The following SLC5A3 variants were observed in gnomAD, a reference collection of about 807,000 sequenced individuals.
SLC5A3 encodes sodium/myo-inositol cotransporter.
In SLC5A3, 10 loss-of-function variants were observed where a neutral mutation model predicts 43.2. The observed-to-expected ratio is 0.23, with a 90% CI of 0.14 to 0.39. SLC5A3 has a LOEUF of 0.39. Ranked by LOEUF, SLC5A3 falls within the 10% of genes least tolerant of loss-of-function variation. The pLI, the probability that SLC5A3 is intolerant of heterozygous loss-of-function variation, is 1.00. For missense variants in SLC5A3, 608 were observed against 893.4 expected (o/e 0.68, Z 4.07); for synonymous variants, 349 against 322.0 (o/e 1.08, Z -0.90).
At position 34,101,323 on chromosome 21, in the gene SLC5A3, C is replaced by G. The variant is rs957993601; in HGVS notation, c.*3968C>G. On this transcript the variant is annotated 3_prime_UTR_variant, in exon 2 of 2. Coordinates refer to ENST00000381151, the MANE Select transcript of SLC5A3 (RefSeq NM_006933.7). ...CAGGGCACCAATAAATAAGTTTCAG[C>G]TTTTTAAACCCTGGTTTGATGTTAA... The G allele has an allele frequency of 1.0e-5, 10 of 1,000,130 alleles. No homozygotes were observed. The highest frequency in any genetic ancestry group is 6.2e-5 in the Admixed American group (1 of 16,248). 62.0% of individuals were successfully genotyped at this position (1,000,130 alleles called of 1,614,324 possible). A position where few individuals can be genotyped will look rare whatever the true frequency, so the allele number is the denominator to read the frequency against.
Position 34,095,062 on chromosome 21 carries a change from C to A in SLC5A3, c.-137C>A. ...ACCATCAAGACAGCAAACCAAAGGA[C>A]AAAGACTTTGACCCTGCTGTGTTGC... On this transcript the variant is annotated 5_prime_UTR_variant, in exon 2 of 2. Transcript: ENST00000381151. 9.9e-7 allele frequency: 1 copy of A among 1,008,204 alleles called. No individual in the cohort carries two copies. Among genetic ancestry groups the A allele is most frequent in the Non-Finnish European group, 1.3e-6 (1 of 768,618 alleles). 62.5% of individuals were successfully genotyped at this position (1,008,204 alleles called of 1,614,324 possible). A position where few individuals can be genotyped will look rare whatever the true frequency, so the allele number is the denominator to read the frequency against.
rs1205968568 is a variant in SLC5A3 at position 34,104,866 on chromosome 21, C to CA, written c.*7518dup. 2.0e-6 allele frequency: 2 copies of CA among 998,970 alleles called. No individual in the cohort carries two copies. Among genetic ancestry groups the CA allele is most frequent in the Non-Finnish European group, 2.4e-6 (2 of 828,798 alleles). The allele number at this position is 998,970 out of a possible 1,614,324, so 61.9% of individuals were successfully genotyped here. On this transcript the variant is annotated 3_prime_UTR_variant, in exon 2 of 2. Transcript: ENST00000381151. ...TTTAAGATAGTTTGTAAGAACTGTA[C>CA]AAAAAAATGCTTCTGGAGATTTCTT...
Position 34,078,884 on chromosome 21 carries a change from A to G in SLC5A3, c.-337+5139A>G, listed in dbSNP as rs527274471. ...TTGTGTTAGAATTTCCAATATACTCATGAGTTTATCTGTTTTTAGTGGAAG... is the reference window on the plus strand; with the variant it reads ...TTGTGTTAGAATTTCCAATATACTCGTGAGTTTATCTGTTTTTAGTGGAAG... On this transcript the variant is annotated intron_variant, in intron 1 of 1. Transcript: ENST00000381151. Among the ~76,000 whole-genome samples, 52 of 152,324 alleles carry G rather than the reference A, an allele frequency of 3.4e-4. 2 individuals carry two copies. In the East Asian group the frequency reaches 7.3e-3, roughly 21 times the overall value.
intron 1 of SLC5A3, among the ~76,000 whole-genome samples, chr21:34,090,812 C>A (rs987174437): frequency 1.3e-5 from 2 of 150,738 alleles, no homozygotes; most frequent in Non-Finnish European, 1.5e-5. Flanking sequence ...TGCCTGAGAT[C>A]CTACAGTTAG....
intron 1 of SLC5A3, among the ~76,000 whole-genome samples, chr21:34,079,499 G>T (rs1182235706): frequency 6.6e-6 from 1 of 151,108 alleles, no homozygotes; most frequent in Non-Finnish European, 1.5e-5. Flanking sequence ...GCAGTGGCAC[G>T]ATCTCGGCTC....
At position 34,098,772 on chromosome 21, in the gene SLC5A3, A is replaced by C. The variant is rs1000868755; in HGVS notation, c.*1417A>C. 19 of 1,000,128 alleles carry C rather than the reference A, an allele frequency of 1.9e-5. No homozygotes were observed. In the African/African-American group the frequency reaches 3.3e-4, roughly 17 times the overall value. 62.0% of individuals were successfully genotyped at this position (1,000,128 alleles called of 1,614,324 possible). On this transcript the variant is annotated 3_prime_UTR_variant, in exon 2 of 2. Transcript: ENST00000381151. ...TGCAGCTAGTGGGTACAGGGTACAAAAGATGTTAGAGAAAAGCTCTACAGA... is the reference window on the plus strand; with the variant it reads ...TGCAGCTAGTGGGTACAGGGTACAACAGATGTTAGAGAAAAGCTCTACAGA...
chr21:34,083,929 A>T (rs1415436794), intron 1 of SLC5A3, among the ~76,000 whole-genome samples: 1 of 152,232 alleles, frequency 6.6e-6, no homozygotes, highest in East Asian at 1.9e-4. Flanking sequence ...TACAAAGAAA[A>T]CAGTCGTGAC....
At position 34,097,765 on chromosome 21, in the gene SLC5A3, C is replaced by G. The variant is rs1246266373; in HGVS notation, c.*410C>G. 1 of 1,002,186 alleles carries G rather than the reference C, an allele frequency of 1.0e-6. No homozygotes were observed. The highest frequency in any genetic ancestry group is 1.7e-5 in the African/African-American group (1 of 57,226). 62.1% of individuals were successfully genotyped at this position (1,002,186 alleles called of 1,614,324 possible). On this transcript the variant is annotated 3_prime_UTR_variant, in exon 2 of 2. Coordinates refer to ENST00000381151, the MANE Select transcript of SLC5A3 (RefSeq NM_006933.7). The stretch of plus-strand genomic sequence containing the variant: ...AAATTTTTTTTTCTGTCTCTGTAAT[C>G]CCTCCTACCATTAAGAAAAACTTAT...
rs557794875 is a variant in SLC5A3 at position 34,082,105 on chromosome 21, A to G, written c.-337+8360A>G. Reference sequence around the variant, plus strand: ...CTAATTGAATACTTAGGTACCATGGATCAAATGTAATGTATCTGTGGGTTA... The same window carrying G: ...CTAATTGAATACTTAGGTACCATGGGTCAAATGTAATGTATCTGTGGGTTA... On this transcript the variant is annotated intron_variant, in intron 1 of 1. Coordinates refer to ENST00000381151, the MANE Select transcript of SLC5A3 (RefSeq NM_006933.7). Among the ~76,000 whole-genome samples the G allele has an allele frequency of 2.0e-5, 3 of 150,690 alleles. No homozygotes were observed. The South Asian group carries it at 6.3e-4, about 32-fold the overall frequency.
chr21:34,103,662 G>A lies in SLC5A3; in HGVS notation c.*6307G>A, dbSNP rs955283792. The A allele has an allele frequency of 4.0e-6, 4 of 1,000,054 alleles. No individual in the cohort carries two copies. The African/African-American group carries it at 7.0e-5, about 17-fold the overall frequency. 61.9% of individuals were successfully genotyped at this position (1,000,054 alleles called of 1,614,324 possible). ...GTATCCCACAAGTGCCAGTCATAAA[G>A]GCCACCAGGTATTTGTCTCAGAGTT... On this transcript the variant is annotated 3_prime_UTR_variant, in exon 2 of 2. Coordinates refer to ENST00000381151, the MANE Select transcript of SLC5A3 (RefSeq NM_006933.7).
intron 1 of SLC5A3, among the ~76,000 whole-genome samples, chr21:34,076,040 A>G (rs965017146): frequency 1.3e-5 from 2 of 152,212 alleles, no homozygotes; most frequent in Non-Finnish European, 2.9e-5. Flanking sequence ...TCTTAAGTGT[A>G]TACCTCTTTA....
At chr21:34,093,314 A>T (rs1314355727) in intron 1 of SLC5A3, among the ~76,000 whole-genome samples, 1 of 151,986 alleles carries the variant, frequency 6.6e-6, no homozygotes, top group Non-Finnish European at 1.5e-5. Context: ...AAAGGATTTA[A>T]ATCACTTTTC....
intron 1 of SLC5A3, among the ~76,000 whole-genome samples, chr21:34,075,721 T>C (rs1989314419): frequency 6.6e-6 from 1 of 152,214 alleles, no homozygotes; most frequent in South Asian, 2.1e-4. Context: ...AGCTTCTCAG[T>C]TATTTGTTCA....
intron 1 of SLC5A3, among the ~76,000 whole-genome samples, chr21:34,082,675 C>T (rs1315644225): frequency 2.0e-5 from 3 of 152,052 alleles, no homozygotes; most frequent in Non-Finnish European, 4.4e-5. Flanking sequence ...TTATTTTTGA[C>T]CAGGCTTTGT....
chr21:34,103,223 G>T lies in SLC5A3; in HGVS notation c.*5868G>T. On this transcript the variant is annotated 3_prime_UTR_variant, in exon 2 of 2. Coordinates refer to ENST00000381151, the MANE Select transcript of SLC5A3 (RefSeq NM_006933.7). ...TTGGATTAGTGCCTTCTGGTTACCAGTATTGACTCTGCTAGTTTGCACCTT... is the reference window on the plus strand; with the variant it reads ...TTGGATTAGTGCCTTCTGGTTACCATTATTGACTCTGCTAGTTTGCACCTT... The T allele has an allele frequency of 7.0e-6, 7 of 999,252 alleles. No homozygotes were observed. The highest frequency in any genetic ancestry group is 8.4e-6 in the Non-Finnish European group (7 of 829,774). The allele number at this position is 999,252 out of a possible 1,614,324, so 61.9% of individuals were successfully genotyped here.
In SLC5A3 at chr21:34,100,776, T is replaced by C; in HGVS notation, c.*3421T>C. The C allele has an allele frequency of 1.0e-6, 1 of 1,000,230 alleles. No homozygotes were observed. The highest frequency in any genetic ancestry group is 4.7e-5 in the South Asian group (1 of 21,292). The allele number at this position is 1,000,230 out of a possible 1,614,324, so 62.0% of individuals were successfully genotyped here. On this transcript the variant is annotated 3_prime_UTR_variant, in exon 2 of 2. Transcript: ENST00000381151. ...CGCAGTCCATGGCTCATTTTCTTTATAGTAGGCATATGGATCTTCCCCTCT... is the reference window on the plus strand; with the variant it reads ...CGCAGTCCATGGCTCATTTTCTTTACAGTAGGCATATGGATCTTCCCCTCT...
At chr21:34,088,971 G>A (rs1272027472) in intron 1 of SLC5A3, among the ~76,000 whole-genome samples, 7 of 151,788 alleles carry the variant, frequency 4.6e-5, no homozygotes, top group African/African-American at 1.5e-4. Context: ...TTCTTATTGA[G>A]TTACACAAAT....
Position 34,099,529 on chromosome 21 carries a change from C to T in SLC5A3, c.*2174C>T. 1.0e-6 allele frequency: 1 copy of T among 999,138 alleles called. No homozygotes were observed. The highest frequency in any genetic ancestry group is 1.2e-6 in the Non-Finnish European group (1 of 829,216). The allele number at this position is 999,138 out of a possible 1,614,324, so 61.9% of individuals were successfully genotyped here. ...CTTTGAACCACATTACTGTGTAATT[C>T]ACTGATAATTGACATATTGGCTGGG... On this transcript the variant is annotated 3_prime_UTR_variant, in exon 2 of 2. Coordinates refer to ENST00000381151, the MANE Select transcript of SLC5A3 (RefSeq NM_006933.7).
chr21:34,097,780 GA>G lies in SLC5A3; in HGVS notation c.*430del. The G allele has an allele frequency of 7.0e-6, 7 of 1,000,712 alleles. No homozygotes were observed. Among genetic ancestry groups the G allele is most frequent in the Non-Finnish European group, 8.4e-6 (7 of 830,242 alleles). 62.0% of individuals were successfully genotyped at this position (1,000,712 alleles called of 1,614,324 possible). A position where few individuals can be genotyped will look rare whatever the true frequency, so the allele number is the denominator to read the frequency against. The stretch of plus-strand genomic sequence containing the variant: ...TCTCTGTAATCCCTCCTACCATTAA[GA>G]AAAACTTATTTCTTAGACATTGTAC... On this transcript the variant is annotated 3_prime_UTR_variant, in exon 2 of 2. Transcript: ENST00000381151.
Sources: gnomAD v4.1 joint callset for allele counts (sites outside exome capture counted in the v4.1 genomes callset) on GRCh38, gnomAD v4.1.1 for gene constraint, MANE v1.5 for transcripts, NCBI Gene and HGNC (gene_info 2026-07-23, HGNC 2026-07-21) for gene names.